The following TSPAN18 variants were observed in gnomAD, a reference collection of about 807,000 sequenced individuals.
TSPAN18 encodes tetraspanin-18.
TSPAN18 carries 14 observed loss-of-function variants against 27.3 expected under a neutral mutation model. The observed-to-expected ratio is 0.51, with a 90% confidence interval of 0.34 to 0.80. TSPAN18 has a LOEUF of 0.80. Ranked by LOEUF, TSPAN18 falls within the 30% of genes least tolerant of loss-of-function variation. TSPAN18 has a pLI of 0.01. For synonymous variants in TSPAN18, 143 were observed against 136.5 expected, an observed-to-expected ratio of 1.05 and a Z score of -0.33; for missense variants, 268 against 323.9, an observed-to-expected ratio of 0.83 and a Z score of 1.32.
chr11:44,830,782 G>A (rs927987898), intron 2 of TSPAN18, among the ~76,000 whole-genome samples: 3 of 152,160 alleles, frequency 2.0e-5, no homozygotes, highest in African/African-American at 4.8e-5. Context: ...GAGTGGTGGG[G>A]ACTGCAGTAA....
intron 3 of TSPAN18, chr11:44,903,399 G>A (rs760540656): frequency 2.2e-6 from 1 of 455,926 alleles, no homozygotes; most frequent in South Asian, 1.5e-5. Context: ...GAAAGTCAGG[G>A]CAGGAATAAC....
chr11:44,764,094 A>T (rs939436677), intron 1 of TSPAN18, among the ~76,000 whole-genome samples: 1 of 151,994 alleles, frequency 6.6e-6, no homozygotes, highest in African/African-American at 2.4e-5. Flanking sequence ...AGCAGATCTC[A>T]CGGTATCTCA....
In TSPAN18 at chr11:44,909,731, C is replaced by T. The variant is rs201130119; in HGVS notation, c.90C>T (p.Ile30=). The part of the protein sequence containing the change: ...IFLGGACLLA[I]GIWVMVDPTG... Reference sequence around the variant, plus strand: ...TGGGCGGGGCCTGCCTGCTGGCCATCGGCATCTGGGTCATGGTGGACCCCA... The same window carrying T: ...TGGGCGGGGCCTGCCTGCTGGCCATTGGCATCTGGGTCATGGTGGACCCCA... Residue 30 remains isoleucine, a synonymous_variant, in exon 5 of 10, where the codon ATC becomes ATT. Transcript: ENST00000520358. 2.3e-4 allele frequency: 370 copies of T among 1,612,164 alleles called. 2 individuals are homozygous for T. The East Asian group carries it at 4.7e-3, about 21-fold the overall frequency.
intron 2 of TSPAN18, among the ~76,000 whole-genome samples, chr11:44,806,446 C>T (rs113320451): frequency 6.6e-4 from 100 of 152,262 alleles, no homozygotes; most frequent in African/African-American, 2.2e-3. Context: ...CAGATAAGGA[C>T]GACACTGTTC....
At chr11:44,754,914 A>G (rs1443945654) in intron 1 of TSPAN18, among the ~76,000 whole-genome samples, 2 of 152,206 alleles carry the variant, frequency 1.3e-5, no homozygotes, top group Non-Finnish European at 1.5e-5. Flanking sequence ...GCCACAGGCT[A>G]CACATGCTCT....
intron 1 of TSPAN18, among the ~76,000 whole-genome samples, chr11:44,759,653 C>G (rs375391436): frequency 5.1e-4 from 77 of 152,308 alleles, no homozygotes; most frequent in African/African-American, 1.7e-3. Flanking sequence ...CTAGTTCCTT[C>G]TTTCTACCAT....
At chr11:44,803,222 G>A (rs143636943) in intron 2 of TSPAN18, among the ~76,000 whole-genome samples, 12 of 152,234 alleles carry the variant, frequency 7.9e-5, no homozygotes, top group African/African-American at 1.9e-4. Flanking sequence ...AAGACAAGTC[G>A]ACAGAGAAGC....
chr11:44,738,263 T>A (rs1211892442), intron 1 of TSPAN18, among the ~76,000 whole-genome samples: 2 of 152,204 alleles, frequency 1.3e-5, no homozygotes, highest in Non-Finnish European at 2.9e-5. Flanking sequence ...ACAGCTAATA[T>A]GTGTTGATTA....
At chr11:44,904,041 C>A (rs1590661693) in intron 3 of TSPAN18, among the ~76,000 whole-genome samples, 1 of 152,126 alleles carries the variant, frequency 6.6e-6, no homozygotes, top group Admixed American at 6.5e-5. Flanking sequence ...CTCAGGAAAA[C>A]CCTGATTTCC....
At chr11:44,828,087 A>G (rs909181724) in intron 2 of TSPAN18, among the ~76,000 whole-genome samples, 12 of 152,038 alleles carry the variant, frequency 7.9e-5, no homozygotes, top group Non-Finnish European at 1.3e-4. Context: ...TATTATGTTG[A>G]GGGTCTTCTG....
intron 2 of TSPAN18, among the ~76,000 whole-genome samples, chr11:44,791,550 G>C (rs767630486): frequency 6.6e-6 from 1 of 152,112 alleles, no homozygotes; most frequent in Non-Finnish European, 1.5e-5. Context: ...CACCCACCCC[G>C]CCTCCTTCTC....
chr11:44,781,981 T>C (rs2134953928), intron 2 of TSPAN18, among the ~76,000 whole-genome samples: 1 of 152,374 alleles, frequency 6.6e-6, no homozygotes, highest in South Asian at 2.1e-4. Flanking sequence ...CTCAGCTTAC[T>C]GTTTCTAAGA....
intron 2 of TSPAN18, among the ~76,000 whole-genome samples, chr11:44,797,718 G>T (rs1856381730): frequency 6.6e-6 from 1 of 152,160 alleles, no homozygotes; most frequent in East Asian, 1.9e-4. Flanking sequence ...GGACTGGTTT[G>T]TCAAGAGCAC....
chr11:44,905,669 A>G (rs1415576599), intron 3 of TSPAN18, among the ~76,000 whole-genome samples: 2 of 152,248 alleles, frequency 1.3e-5, no homozygotes, highest in Non-Finnish European at 1.5e-5. Context: ...CCTGGCAAGC[A>G]GCGGATGCTC....
intron 8 of TSPAN18, chr11:44,926,240 G>A (rs1301691713): frequency 6.0e-6 from 1 of 166,826 alleles, no homozygotes; most frequent in Non-Finnish European, 1.3e-5. Context: ...GTGCGGGGGA[G>A]AGGGGTGGAG....
intron 4 of TSPAN18, among the ~76,000 whole-genome samples, chr11:44,908,814 A>AAGGAAGGAAGGAAGGAAGGAAG (rs1554938130): frequency 1.7e-5 from 2 of 114,738 alleles, no homozygotes; most frequent in Admixed American, 8.8e-5. Context: ...AAAGAAAGAA[A>AAGGAAGGAAGGAAGGAAGGAAG]GAAAGAAAGA....
At chr11:44,777,415 C>A (rs543869604) in intron 2 of TSPAN18, among the ~76,000 whole-genome samples, 1 of 152,208 alleles carries the variant, frequency 6.6e-6, no homozygotes, top group South Asian at 2.1e-4. Flanking sequence ...CTTCAGCTCC[C>A]GGTCACCAGC....
At chr11:44,878,523 AT>A (rs1415528157) in intron 3 of TSPAN18, among the ~76,000 whole-genome samples, 2 of 152,132 alleles carry the variant, frequency 1.3e-5, no homozygotes, top group African/African-American at 2.4e-5. Flanking sequence ...GTGCCAGGAA[AT>A]GTTGCATAGG....
At chr11:44,886,942 C>A (rs1293415724) in intron 3 of TSPAN18, among the ~76,000 whole-genome samples, 1 of 152,152 alleles carries the variant, frequency 6.6e-6, no homozygotes, top group African/African-American at 2.4e-5. Context: ...TTGCACGTGT[C>A]TCTGTGTGTA....
Sources: allele counts gnomAD v4.1 joint callset (sites outside exome capture counted in the v4.1 genomes callset), GRCh38; gene constraint gnomAD v4.1.1; transcripts MANE v1.5; gene names NCBI Gene and HGNC (gene_info 2026-07-23, HGNC 2026-07-21).